The following ETV6 variants were observed in gnomAD, a reference collection of about 807,000 sequenced individuals.
ETV6 encodes transcription factor ETV6.
Under a neutral mutation model 51.1 loss-of-function variants are expected in ETV6, and 16 were observed. The ratio of observed to expected loss-of-function variants is 0.31; its 90% CI spans 0.21 to 0.48. The LOEUF (loss-of-function observed/expected upper bound fraction) is 0.48. ETV6 is among the 20% of genes least tolerant of loss of function. The pLI, the probability that ETV6 is intolerant of heterozygous loss-of-function variation, is 0.99. For synonymous variants in ETV6, 240 were observed against 224.1 expected (o/e 1.07, Z -0.64); for missense variants, 458 against 594.8 (o/e 0.77, Z 2.39).
At chr12:11,728,112 T>A (rs10772502) in intron 1 of ETV6, among the ~76,000 whole-genome samples, 3 of 152,058 alleles carry the variant, frequency 2.0e-5, no homozygotes, top group Non-Finnish European at 4.4e-5. Flanking sequence ...GAGCCACCGC[T>A]CCCCGGCCTC....
At position 11,892,468 on chromosome 12, in the gene ETV6, G is replaced by C; in HGVS notation, c.*1422G>C. On this transcript the variant is annotated 3_prime_UTR_variant, in exon 8 of 8. Coordinates refer to ENST00000396373, the MANE Select transcript of ETV6 (RefSeq NM_001987.5). ...GATGGTATCTTGTAAAATGAGGGTAGTGCCACTTCTTAGTATTTTTGAAAG... is the reference window on the plus strand; with the variant it reads ...GATGGTATCTTGTAAAATGAGGGTACTGCCACTTCTTAGTATTTTTGAAAG... 4.3e-6 allele frequency: 1 copy of C among 231,712 alleles called. No homozygotes were observed. Among genetic ancestry groups the C allele is most frequent in the Admixed American group, 5.7e-5 (1 of 17,658 alleles). 14.4% of individuals were successfully genotyped at this position (231,712 alleles called of 1,614,324 possible). A position where few individuals can be genotyped will look rare whatever the true frequency, so the allele number is the denominator to read the frequency against.
chr12:11,842,007 G>A (rs963347306), intron 3 of ETV6, among the ~76,000 whole-genome samples: 1 of 150,734 alleles, frequency 6.6e-6, no homozygotes, highest in Non-Finnish European at 1.5e-5. Context: ...GCGTGAACCC[G>A]GGAGGCGGAG....
At chr12:11,733,884 C>T (rs942276970) in intron 1 of ETV6, among the ~76,000 whole-genome samples, 3 of 152,224 alleles carry the variant, frequency 2.0e-5, no homozygotes, top group Non-Finnish European at 4.4e-5. Context: ...AAAACCTCTG[C>T]TCGGCCGACC....
At chr12:11,834,188 G>A (rs1043189495) in intron 2 of ETV6, among the ~76,000 whole-genome samples, 1 of 152,164 alleles carries the variant, frequency 6.6e-6, no homozygotes, top group African/African-American at 2.4e-5. Context: ...TGTCCTCACT[G>A]TGTTGAGGGT....
At chr12:11,705,714 C>A (rs907688583) in intron 1 of ETV6, among the ~76,000 whole-genome samples, 2 of 152,128 alleles carry the variant, frequency 1.3e-5, no homozygotes, top group Non-Finnish European at 2.9e-5. Flanking sequence ...TGACTTGAAC[C>A]ACAGGGTGCC....
At chr12:11,828,216 G>C (rs1946188228) in intron 2 of ETV6, among the ~76,000 whole-genome samples, 1 of 152,092 alleles carries the variant, frequency 6.6e-6, no homozygotes, top group South Asian at 2.1e-4. Flanking sequence ...ATCTCTCCTT[G>C]CATAGCCAAG....
At chr12:11,740,578 C>T (rs1023592557) in intron 1 of ETV6, among the ~76,000 whole-genome samples, 2 of 25,186 alleles carry the variant, frequency 7.9e-5, no homozygotes, top group Non-Finnish European at 1.9e-3. Flanking sequence ...AATTCTATCA[C>T]TGTTTAGAAT....
chr12:11,661,298 G>T (rs1864097352), intron 1 of ETV6, among the ~76,000 whole-genome samples: 1 of 152,182 alleles, frequency 6.6e-6, no homozygotes, highest in African/African-American at 2.4e-5. Context: ...CAGCCATTTT[G>T]TCCTCATTTT....
chr12:11,719,706 A>C (rs1865345554), intron 1 of ETV6, among the ~76,000 whole-genome samples: 2 of 152,196 alleles, frequency 1.3e-5, no homozygotes, highest in South Asian at 4.1e-4. Flanking sequence ...GAATCTGAGA[A>C]AGGCAAGTCT....
chr12:11,789,394 A>G (rs546719051), intron 2 of ETV6, among the ~76,000 whole-genome samples: 1 of 151,898 alleles, frequency 6.6e-6, no homozygotes, highest in Non-Finnish European at 1.5e-5. Context: ...GCCCTGCCTC[A>G]CTCTCCTCTC....
intron 5 of ETV6, among the ~76,000 whole-genome samples, chr12:11,871,197 C>CTTT (rs569181747): frequency 7.2e-6 from 1 of 138,272 alleles, no homozygotes; most frequent in East Asian, 2.1e-4. Flanking sequence ...GGTACTGTCC[C>CTTT]TTTTTTTTTT....
At chr12:11,846,465 G>A (rs1435360676) in intron 3 of ETV6, among the ~76,000 whole-genome samples, 2 of 152,232 alleles carry the variant, frequency 1.3e-5, no homozygotes, top group Non-Finnish European at 2.9e-5. Flanking sequence ...GCTCTAGGTA[G>A]CATTGCAGAT....
At chr12:11,708,926 G>A (rs1193625694) in intron 1 of ETV6, among the ~76,000 whole-genome samples, 1 of 152,120 alleles carries the variant, frequency 6.6e-6, no homozygotes, top group Non-Finnish European at 1.5e-5. Context: ...GAAAAGGCAA[G>A]GTCTAAGCAC....
At chr12:11,881,407 T>C (rs1947090991) in intron 5 of ETV6, among the ~76,000 whole-genome samples, 1 of 152,260 alleles carries the variant, frequency 6.6e-6, no homozygotes, top group African/African-American at 2.4e-5. Flanking sequence ...GGGGCTGCTC[T>C]GACAAACTGC....
chr12:11,880,648 C>T (rs1947077307), intron 5 of ETV6, among the ~76,000 whole-genome samples: 2 of 152,220 alleles, frequency 1.3e-5, no homozygotes, highest in South Asian at 4.1e-4. Context: ...TTTTGCTCTA[C>T]AGTAGGCTTC....
intron 1 of ETV6, among the ~76,000 whole-genome samples, chr12:11,673,961 T>C (rs1187825441): frequency 6.6e-6 from 1 of 152,212 alleles, no homozygotes; most frequent in Non-Finnish European, 1.5e-5. Flanking sequence ...AGTAAAGTTT[T>C]TATTCTTCTA....
intron 2 of ETV6, among the ~76,000 whole-genome samples, chr12:11,802,706 G>A (rs1591684340): frequency 6.6e-6 from 1 of 152,274 alleles, no homozygotes; most frequent in Non-Finnish European, 1.5e-5. Flanking sequence ...TTGGACTTCT[G>A]GTGGATTATT....
intron 1 of ETV6, among the ~76,000 whole-genome samples, chr12:11,738,862 A>G (rs1459241904): frequency 4.6e-5 from 7 of 152,180 alleles, no homozygotes; most frequent in African/African-American, 1.7e-4. Flanking sequence ...CATATCCAAA[A>G]GAGTGCCCCG....
intron 2 of ETV6, among the ~76,000 whole-genome samples, chr12:11,809,612 C>T (rs1945881689): frequency 1.3e-5 from 2 of 152,110 alleles, no homozygotes; most frequent in South Asian, 4.1e-4. Context: ...GAGATACATA[C>T]TTGATTCAGT....
Sources: gnomAD v4.1 joint callset for allele counts (sites outside exome capture counted in the v4.1 genomes callset) on GRCh38, gnomAD v4.1.1 for gene constraint, MANE v1.5 for transcripts, NCBI Gene and HGNC (gene_info 2026-07-23, HGNC 2026-07-21) for gene names.